PIN4: variants seen among roughly 807,000 people sequenced by gnomAD.
PIN4 encodes the protein peptidylprolyl cis/trans isomerase, NIMA-interacting 4, also known as peptidyl-prolyl cis-trans isomerase NIMA-interacting 4.
In PIN4, 3 loss-of-function variants were observed where a neutral mutation model predicts 8.3. That is an observed-to-expected ratio of 0.36 (90% CI 0.16 to 0.93). The LOEUF (loss-of-function observed/expected upper bound fraction) is 0.93. PIN4 is among the 40% of genes least tolerant of loss of function. The pLI, the probability that PIN4 is intolerant of heterozygous loss-of-function variation, is 0.44. For synonymous variants in PIN4, 18 were observed against 32.5 expected (o/e 0.55, Z 1.52); for missense variants, 75 against 100.6 (o/e 0.75, Z 1.09).
intron 3 of PIN4, chrX:72,238,833 T>C: frequency 8.5e-7 from 1 of 1,183,170 alleles, no homozygotes; most frequent in Non-Finnish European, 1.1e-6. Flanking sequence ...CGCCCAGCGG[T>C]CCAGACATAC....
intron 3 of PIN4, among the ~76,000 whole-genome samples, chrX:72,260,892 A>AC (rs1460130568): frequency 1.8e-5 from 2 of 112,036 alleles, no homozygotes; most frequent in Admixed American, 1.9e-4. Context: ...AGGCCAAGCC[A>AC]CACTACCTGA....
downstream of PIN4, among the ~76,000 whole-genome samples, chrX:72,201,610 G>GA (rs1213668961): frequency 9.0e-6 from 1 of 111,647 alleles, no homozygotes; most frequent in East Asian, 2.8e-4. Flanking sequence ...CCTCGTCTCA[G>GA]AAAAAAAAGT....
At chrX:72,197,176 T>C in intron 3 of PIN4, 192 bp from the exon 4 acceptor site, 1 of 451,806 alleles carries the variant, frequency 2.2e-6, no homozygotes, top group Non-Finnish European at 3.8e-6. Context: ...AGTCCAGCAG[T>C]GTTGAGAGTA....
At chrX:72,237,032 T>G (rs2043020833) in intron 3 of PIN4, among the ~76,000 whole-genome samples, 1 of 112,336 alleles carries the variant, frequency 8.9e-6, no homozygotes, top group Non-Finnish European at 1.9e-5. Flanking sequence ...TTACTCACAC[T>G]ATTGACTTTA....
chrX:72,194,228 C>T (rs181937923), intron 2 of PIN4, among the ~76,000 whole-genome samples: 1 of 108,926 alleles, frequency 9.2e-6, no homozygotes, highest in African/African-American at 3.4e-5. Flanking sequence ...GGTGAAACCC[C>T]GTCTCTACAA....
At chrX:72,241,259 T>C (rs1048621530) in intron 3 of PIN4, among the ~76,000 whole-genome samples, 7 of 111,608 alleles carry the variant, frequency 6.3e-5, no homozygotes, top group Non-Finnish European at 9.4e-5. Context: ...AGGCGGGGCC[T>C]TTTAGCAAGT....
intron 3 of PIN4, among the ~76,000 whole-genome samples, chrX:72,224,485 G>A (rs1050153290): frequency 1.2e-4 from 13 of 111,670 alleles, no homozygotes; most frequent in Non-Finnish European, 1.7e-4. Flanking sequence ...CCTGGCTCAC[G>A]CCTGTAATCA....
At chrX:72,191,948 TTTG>T (rs1230696227) in intron 2 of PIN4, among the ~76,000 whole-genome samples, 1 of 109,683 alleles carries the variant, frequency 9.1e-6, no homozygotes, top group Non-Finnish European at 1.9e-5. Context: ...CGTGGGTTTT[TTTG>T]TTTTTGTTTT....
intron 3 of PIN4, among the ~76,000 whole-genome samples, chrX:72,240,916 A>G (rs2043046875): frequency 9.0e-6 from 1 of 110,727 alleles, no homozygotes; most frequent in Admixed American, 9.7e-5. Flanking sequence ...TATTATCCAC[A>G]TTTTTCAGAT....
intron 3 of PIN4, among the ~76,000 whole-genome samples, chrX:72,221,579 G>C (rs1156641679): frequency 9.0e-6 from 1 of 111,120 alleles, no homozygotes; most frequent in Non-Finnish European, 1.9e-5. Flanking sequence ...CACCAAACTT[G>C]GCTTACCGGG....
At chrX:72,205,272 A>G in intron 3 of PIN4, 1 of 1,212,031 alleles carries the variant, frequency 8.3e-7, no homozygotes, top group Non-Finnish European at 1.1e-6. Context: ...CTAGAGCACT[A>G]GGCTTAGACG....
intron 3 of PIN4, among the ~76,000 whole-genome samples, chrX:72,243,894 A>G (rs2043058674): frequency 8.9e-6 from 1 of 112,498 alleles, no homozygotes; most frequent in Non-Finnish European, 1.9e-5. Context: ...AAACTGAGGC[A>G]CAGAAAGATT....
chrX:72,238,635 A>C (rs2043031016), intron 3 of PIN4, among the ~76,000 whole-genome samples: 1 of 112,729 alleles, frequency 8.9e-6, no homozygotes, highest in African/African-American at 3.2e-5. Flanking sequence ...CATTTGCCCA[A>C]AAGAAGAGGC....
intron 3 of PIN4, among the ~76,000 whole-genome samples, chrX:72,233,493 G>A (rs1021207591): frequency 9.0e-6 from 1 of 111,078 alleles, no homozygotes; most frequent in African/African-American, 3.3e-5. Flanking sequence ...GGAGGCCGAG[G>A]CAGGCGAATC....
chrX:72,192,426 C>G (rs1353776213), intron 2 of PIN4, among the ~76,000 whole-genome samples: 1 of 111,560 alleles, frequency 9.0e-6, no homozygotes, highest in African/African-American at 3.3e-5. Context: ...TTTCTGAGAT[C>G]ATTGTTCCAT....
At chrX:72,206,006 G>A in intron 3 of PIN4, 1 of 1,211,520 alleles carries the variant, frequency 8.3e-7, no homozygotes, top group South Asian at 1.8e-5. Flanking sequence ...GATGCTGAAA[G>A]GTCATCAGCT....
chrX:72,212,449 T>C (rs1206837035), intron 3 of PIN4, among the ~76,000 whole-genome samples: 2 of 111,473 alleles, frequency 1.8e-5, no homozygotes, highest in Non-Finnish European at 3.8e-5. Context: ...GTTCAGATGC[T>C]GAAAAGTTTT....
chrX:72,258,648 A>C (rs2984356), intron 3 of PIN4, among the ~76,000 whole-genome samples: 52,767 of 110,210 alleles, frequency 0.48, 12,032 homozygotes, highest in East Asian at 0.98. Flanking sequence ...TGACATCAGA[A>C]TGCCTGGGTT....
At chrX:72,214,206 G>A (rs1171158153) in intron 3 of PIN4, among the ~76,000 whole-genome samples, 1 of 111,592 alleles carries the variant, frequency 9.0e-6, no homozygotes, top group Non-Finnish European at 1.9e-5. Context: ...TTTTAATTAA[G>A]GTGGGGATCA....
Sources: allele counts gnomAD v4.1 joint callset (sites outside exome capture counted in the v4.1 genomes callset), GRCh38; gene constraint gnomAD v4.1.1; transcripts MANE v1.5; gene names NCBI Gene and HGNC (gene_info 2026-07-23, HGNC 2026-07-21).